Variants in COL5A2 observed in about 807,000 individuals in gnomAD.
The protein encoded by COL5A2 is collagen type V alpha 2 chain.
Under a neutral mutation model 208.2 loss-of-function variants are expected in COL5A2, and 23 were observed. The observed-to-expected ratio is 0.11, with a 90% CI of 0.08 to 0.16. COL5A2 has a LOEUF of 0.16. COL5A2 is among the 10% of genes least tolerant of loss of function. The pLI, the probability that COL5A2 is intolerant of heterozygous loss-of-function variation, is 1.00. For missense variants in COL5A2, 1,590 were observed against 1,956.4 expected, an observed-to-expected ratio of 0.81 and a Z score of 3.53; for synonymous variants, 625 against 628.5, an observed-to-expected ratio of 0.99 and a Z score of 0.08.
Position 189,161,042 on chromosome 2 carries a change from A to ACTC in COL5A2, c.97+18463_97+18465dup, listed in dbSNP as rs538366901. Reference sequence around the variant, plus strand: ...ATGGGGTTGGTCAGGCTGGTCTCGAACTCCCAACCTCAGGTGATCTGCCCA... The same window carrying ACTC: ...ATGGGGTTGGTCAGGCTGGTCTCGAACTCCTCCCAACCTCAGGTGATCTGCCCA... On this transcript the variant is annotated intron_variant, in intron 1 of 53. Coordinates refer to ENST00000374866, the MANE Select transcript of COL5A2 (RefSeq NM_000393.5). Among the ~76,000 whole-genome samples, 159 of 148,552 alleles carry ACTC rather than the reference A, an allele frequency of 1.1e-3. 1 individual carries two copies. Among genetic ancestry groups the ACTC allele is most frequent in the African/African-American group, 2.2e-3 (88 of 40,284 alleles).
chr2:189,099,565 C>T (rs1687006811), intron 4 of COL5A2, among the ~76,000 whole-genome samples: 3 of 152,114 alleles, frequency 2.0e-5, no homozygotes, highest in Admixed American at 2.0e-4. Flanking sequence ...GTGGAGGTTG[C>T]AGTGAACTGA....
At chr2:189,037,414 G>A (rs1276049325) in intron 51 of COL5A2, among the ~76,000 whole-genome samples, 1 of 152,248 alleles carries the variant, frequency 6.6e-6, no homozygotes, top group African/African-American at 2.4e-5. Context: ...ATATTTGTGT[G>A]TATATTATAT....
At chr2:189,323,272 G>A in the COL5A2 span, among the ~76,000 whole-genome samples, 1 of 151,868 alleles carries the variant, frequency 6.6e-6, no homozygotes, top group African/African-American at 2.4e-5. Flanking sequence ...AGACAGGGAT[G>A]CCCTCTCTCA....
At chr2:189,044,293 A>T (rs1685619430) in intron 47 of COL5A2, among the ~76,000 whole-genome samples, 1 of 152,202 alleles carries the variant, frequency 6.6e-6, no homozygotes, top group African/African-American at 2.4e-5. Context: ...TAATAAAAAG[A>T]AGATGATTTC....
intron 1 of COL5A2, among the ~76,000 whole-genome samples, chr2:189,164,911 G>A (rs947704494): frequency 6.6e-6 from 1 of 152,204 alleles, no homozygotes; most frequent in African/African-American, 2.4e-5. Flanking sequence ...TGAGTTAGTA[G>A]AAGTTGAGCA....
At chr2:189,117,820 A>G (rs1687423803) in intron 1 of COL5A2, among the ~76,000 whole-genome samples, 1 of 151,964 alleles carries the variant, frequency 6.6e-6, no homozygotes, top group Non-Finnish European at 1.5e-5. Flanking sequence ...TCACCCCATG[A>G]TAGAATTATA....
chr2:189,343,628 A>G, the COL5A2 span, among the ~76,000 whole-genome samples: 1 of 152,116 alleles, frequency 6.6e-6, no homozygotes, highest in African/African-American at 2.4e-5. Context: ...ACTTCTGAAA[A>G]CTGAGACATT....
the COL5A2 span, among the ~76,000 whole-genome samples, chr2:189,249,894 C>T: frequency 1.3e-5 from 2 of 152,292 alleles, no homozygotes; most frequent in South Asian, 2.1e-4. Flanking sequence ...GATGGGTTTT[C>T]GCCATGTTGG....
chr2:189,096,229 T>C (rs1474941672), intron 6 of COL5A2: 1 of 152,078 alleles, frequency 6.6e-6, no homozygotes, highest in Non-Finnish European at 1.5e-5. Context: ...TTTAAAAGGA[T>C]AAAAATCTAC....
At chr2:189,162,981 A>T (rs571046268) in intron 1 of COL5A2, among the ~76,000 whole-genome samples, 1 of 152,328 alleles carries the variant, frequency 6.6e-6, no homozygotes, top group South Asian at 2.1e-4. Context: ...AAATATTCAT[A>T]GTAAACACTT....
intron 6 of COL5A2, among the ~76,000 whole-genome samples, chr2:189,096,621 C>CA (rs777945216): frequency 0.087 from 6,145 of 70,310 alleles, 283 homozygotes; most frequent in African/African-American, 0.17. Flanking sequence ...GACTCCGTCT[C>CA]AAAAAAAAAA....
At chr2:189,143,407 T>G (rs1049324648) in intron 1 of COL5A2, among the ~76,000 whole-genome samples, 1 of 152,252 alleles carries the variant, frequency 6.6e-6, no homozygotes, top group South Asian at 2.1e-4. Context: ...TAATGTTATT[T>G]CAGACAAAAG....
chr2:189,420,114 A>G, the COL5A2 span, among the ~76,000 whole-genome samples: 1 of 151,602 alleles, frequency 6.6e-6, no homozygotes, highest in South Asian at 2.1e-4. Flanking sequence ...GAAGGGAGGG[A>G]GGAAAAATTA....
the COL5A2 span, among the ~76,000 whole-genome samples, chr2:189,432,584 T>C: frequency 1.3e-5 from 2 of 152,022 alleles, no homozygotes; most frequent in Admixed American, 6.5e-5. Context: ...GAGACAAAAA[T>C]GGCCATTACA....
chr2:189,078,562 C>T lies in COL5A2; in HGVS notation c.1013G>A (p.Arg338Lys), dbSNP rs1486568820. ...PMGAMGPLGP[R>K]GMPGERGRLG... is the part of the protein sequence containing the mutation. The stretch of plus-strand genomic sequence containing the variant: ...TCTCCCTCTCTCTCCTGGCATTCCC[C>T]TCGGACCCTATAGACGATAGAGAAG... The change falls in exon 16 of 54, where the codon AGG becomes AAG. Residue 338 changes from arginine to lysine, a missense_variant. Coordinates refer to ENST00000374866, the MANE Select transcript of COL5A2 (RefSeq NM_000393.5). The T allele has an allele frequency of 2.5e-6, 4 of 1,612,496 alleles. No individual in the cohort carries two copies. The African/African-American group carries it at 5.3e-5, about 22-fold the overall frequency.
At chr2:189,230,611 T>G in the COL5A2 span, among the ~76,000 whole-genome samples, 2,088 of 151,892 alleles carry the variant, frequency 0.014, 73 homozygotes, top group Admixed American at 0.075. Flanking sequence ...ATCAGATAAA[T>G]GCAAATCAAA....
At chr2:189,372,828 T>C in the COL5A2 span, among the ~76,000 whole-genome samples, 3 of 152,130 alleles carry the variant, frequency 2.0e-5, no homozygotes, top group African/African-American at 7.2e-5. Flanking sequence ...AAAAAATACA[T>C]TTTGAAGGAC....
At chr2:189,334,069 C>T in the COL5A2 span, among the ~76,000 whole-genome samples, 1 of 151,384 alleles carries the variant, frequency 6.6e-6, no homozygotes, top group Non-Finnish European at 1.5e-5. Flanking sequence ...TATTAAACAC[C>T]CAGTCATAAT....
chr2:189,189,006 T>C (rs781239317), intron 1 of COL5A2, among the ~76,000 whole-genome samples: 21 of 152,352 alleles, frequency 1.4e-4, no homozygotes, highest in Middle Eastern at 6.8e-3. Context: ...TGCAGATTTA[T>C]AGAATTTTCT....
Sources: allele counts gnomAD v4.1 joint callset (sites outside exome capture counted in the v4.1 genomes callset), GRCh38; gene constraint gnomAD v4.1.1; transcripts MANE v1.5; gene names NCBI Gene and HGNC (gene_info 2026-07-23, HGNC 2026-07-21).